Variants in CNTNAP2 observed in about 807,000 individuals in gnomAD.
The protein encoded by CNTNAP2 is contactin associated protein 2.
Under a neutral mutation model 155.2 loss-of-function variants are expected in CNTNAP2, and 98 were observed. That is an observed-to-expected ratio of 0.63 (90% CI 0.54 to 0.75). The LOEUF is 0.75. CNTNAP2 is among the 30% of genes least tolerant of loss of function. The pLI, the probability that CNTNAP2 is intolerant of heterozygous loss-of-function variation, is 0.00. For missense variants in CNTNAP2, 1,727 were observed against 1,688.1 expected, an observed-to-expected ratio of 1.02 and a Z score of -0.40; for synonymous variants, 651 against 631.2, an observed-to-expected ratio of 1.03 and a Z score of -0.47.
intron 1 of CNTNAP2, among the ~76,000 whole-genome samples, chr7:146,739,081 C>G (rs1355144442): frequency 6.6e-6 from 1 of 151,822 alleles, no homozygotes; most frequent in Non-Finnish European, 1.5e-5. Context: ...CTAAAAAAAT[C>G]AACTCTTAGT....
At chr7:147,744,721 C>T (rs933972419) in intron 13 of CNTNAP2, among the ~76,000 whole-genome samples, 1 of 152,166 alleles carries the variant, frequency 6.6e-6, no homozygotes, top group African/African-American at 2.4e-5. Flanking sequence ...CGGCTGCCTT[C>T]TTGTTGTATC....
chr7:147,282,499 A>G (rs1273179405), intron 8 of CNTNAP2, among the ~76,000 whole-genome samples: 2 of 151,840 alleles, frequency 1.3e-5, no homozygotes, highest in Admixed American at 1.3e-4. Context: ...GTTAAACATT[A>G]GGCTATTTGA....
chr7:146,397,333 A>G (rs1240575191), intron 1 of CNTNAP2, among the ~76,000 whole-genome samples: 2 of 152,246 alleles, frequency 1.3e-5, no homozygotes, highest in Admixed American at 6.5e-5. Flanking sequence ...CATGACAGCA[A>G]TGATCCTTGG....
chr7:147,379,207 T>G (rs1279557127), intron 9 of CNTNAP2, among the ~76,000 whole-genome samples: 2 of 152,170 alleles, frequency 1.3e-5, no homozygotes, highest in Non-Finnish European at 2.9e-5. Context: ...TATGTCTGTA[T>G]TAGCAGTATG....
At chr7:147,148,759 C>T (rs974672464) in intron 8 of CNTNAP2, among the ~76,000 whole-genome samples, 1 of 152,128 alleles carries the variant, frequency 6.6e-6, no homozygotes, top group African/African-American at 2.4e-5. Context: ...GTTGTTTATT[C>T]CTCCTGGAGG....
At chr7:146,877,295 A>G (rs1250760233) in intron 3 of CNTNAP2, among the ~76,000 whole-genome samples, 1 of 150,412 alleles carries the variant, frequency 6.6e-6, no homozygotes. Context: ...TGAGGCTAAG[A>G]GTTCGAAATC....
At chr7:147,484,876 T>C (rs757837006) in intron 10 of CNTNAP2, among the ~76,000 whole-genome samples, 1 of 152,322 alleles carries the variant, frequency 6.6e-6, no homozygotes, top group African/African-American at 2.4e-5. Flanking sequence ...AGTTTTCCTG[T>C]TTTTGAGAGT....
At chr7:148,221,308 C>T (rs1795744401) in intron 19 of CNTNAP2, among the ~76,000 whole-genome samples, 1 of 152,168 alleles carries the variant, frequency 6.6e-6, no homozygotes, top group Non-Finnish European at 1.5e-5. Flanking sequence ...TTCCTTTCTA[C>T]TGATGGCAAC....
At chr7:148,412,508 T>C (rs916026065) in intron 23 of CNTNAP2, among the ~76,000 whole-genome samples, 3 of 152,260 alleles carry the variant, frequency 2.0e-5, no homozygotes, top group Admixed American at 1.3e-4. Flanking sequence ...TAAGTGTCTC[T>C]CTCTGGCATA....
At chr7:148,084,595 A>G (rs1202672047) in intron 15 of CNTNAP2, among the ~76,000 whole-genome samples, 6 of 151,840 alleles carry the variant, frequency 4.0e-5, no homozygotes, top group Non-Finnish European at 8.8e-5. Context: ...ACAGGAAGAA[A>G]GAAGGGAATG....
rs752520016 is a variant in CNTNAP2 at position 148,328,026 on chromosome 7, AC to A, written c.3476-55620del. Among the ~76,000 whole-genome samples, 6 of 152,308 alleles carry A rather than the reference AC, an allele frequency of 3.9e-5. No individual in the cohort carries two copies. The South Asian group carries it at 1.2e-3, about 32-fold the overall frequency. ...GTGAAGGAATGGCATATCTCCCAGA[AC>A]CCTGACTTCCATCAGCATCTTATTC... On this transcript the variant is annotated intron_variant, in intron 21 of 23. Transcript: ENST00000361727.
At chr7:147,710,022 T>C (rs957485876) in intron 13 of CNTNAP2, among the ~76,000 whole-genome samples, 6 of 152,168 alleles carry the variant, frequency 3.9e-5, no homozygotes, top group Admixed American at 6.5e-5. Flanking sequence ...AGAGATAGGC[T>C]ACAGTTGTAC....
chr7:147,267,538 A>G (rs1291025132), intron 8 of CNTNAP2, among the ~76,000 whole-genome samples: 2 of 137,182 alleles, frequency 1.5e-5, no homozygotes, highest in Non-Finnish European at 3.1e-5. Context: ...TTTTCCTATT[A>G]TGCCAACCAA....
chr7:146,500,982 G>A (rs1269600366), intron 1 of CNTNAP2, among the ~76,000 whole-genome samples: 1 of 151,730 alleles, frequency 6.6e-6, no homozygotes, highest in East Asian at 1.9e-4. Flanking sequence ...TGGTCTTGAG[G>A]AATTTTTTTC....
chr7:146,177,448 G>T (rs1017451248), intron 1 of CNTNAP2, among the ~76,000 whole-genome samples: 3 of 152,070 alleles, frequency 2.0e-5, no homozygotes, highest in African/African-American at 7.2e-5. Flanking sequence ...CTTAGGATTG[G>T]TTCCCAGAAT....
At chr7:146,420,571 A>T (rs1333195095) in intron 1 of CNTNAP2, among the ~76,000 whole-genome samples, 1 of 152,102 alleles carries the variant, frequency 6.6e-6, no homozygotes, top group Non-Finnish European at 1.5e-5. Flanking sequence ...GTACACCTGC[A>T]AGAAGACAGT....
chr7:146,424,319 G>A (rs1177935218), intron 1 of CNTNAP2, among the ~76,000 whole-genome samples: 2 of 152,096 alleles, frequency 1.3e-5, no homozygotes, highest in South Asian at 2.1e-4. Context: ...TACAGCAAAA[G>A]GATACAAAGC....
chr7:147,915,914 G>A (rs907521559), intron 14 of CNTNAP2, among the ~76,000 whole-genome samples: 11 of 152,108 alleles, frequency 7.2e-5, no homozygotes, highest in Non-Finnish European at 1.3e-4. Context: ...TGGTTTACTT[G>A]GCAGATTTGA....
At chr7:146,579,601 C>A (rs1303108981) in intron 1 of CNTNAP2, among the ~76,000 whole-genome samples, 1 of 152,142 alleles carries the variant, frequency 6.6e-6, no homozygotes, top group East Asian at 1.9e-4. Flanking sequence ...TTGCTGCTGA[C>A]TGCCCGCTAG....
Sources: allele counts gnomAD v4.1 joint callset (sites outside exome capture counted in the v4.1 genomes callset), GRCh38; gene constraint gnomAD v4.1.1; transcripts MANE v1.5; gene names NCBI Gene and HGNC (gene_info 2026-07-23, HGNC 2026-07-21).